Variants in GDF9 observed in about 807,000 individuals in gnomAD.
GDF9 encodes the protein growth differentiation factor 9.
A neutral mutation model predicts 33.8 loss-of-function variants in GDF9; 30 were observed. The observed-to-expected ratio is 0.89, with a 90% confidence interval of 0.66 to 1.20. The LOEUF (loss-of-function observed/expected upper bound fraction) is 1.20. Ranked by LOEUF, GDF9 falls within the 50% of genes most tolerant of loss-of-function variation. The pLI is 0.00. For synonymous variants in GDF9, 205 were observed against 200.7 expected (o/e 1.02, Z -0.18); for missense variants, 556 against 543.7 (o/e 1.02, Z -0.22).
rs1350390114 is a variant in GDF9 at position 132,861,543 on chromosome 5, G to C, written c.*46C>G. 1 of 1,552,482 alleles carries C rather than the reference G, an allele frequency of 6.4e-7. No homozygotes were observed. ...TCTTGAAGGCACACATAGGCACACAGTAGTTACTTTGCCAAATAGGCTCAA... is the reference window on the plus strand; with the variant it reads ...TCTTGAAGGCACACATAGGCACACACTAGTTACTTTGCCAAATAGGCTCAA... On this transcript the variant is annotated 3_prime_UTR_variant, in exon 2 of 2. Coordinates refer to ENST00000687138, the MANE Select transcript of GDF9 (RefSeq NM_005260.7).
At chr5:132,863,967 G>A (rs1041395740) in intron 1 of GDF9, among the ~76,000 whole-genome samples, 170 bp downstream of exon 1, 4 of 152,158 alleles carry the variant, frequency 2.6e-5, no homozygotes, top group South Asian at 2.1e-4. Flanking sequence ...CAATGAGAGC[G>A]TTAGGAATAA....
chr5:132,861,712 C>A lies in GDF9; in HGVS notation c.1242G>T (p.Val414=), dbSNP rs146290291. 1.9e-5 allele frequency: 31 copies of A among 1,613,308 alleles called. 1 individual carries two copies. The African/African-American group carries it at 4.0e-4, about 21-fold the overall frequency. Residue 414 remains valine (V), a synonymous_variant, in exon 2 of 2, where the codon GTG becomes GTT. Coordinates refer to ENST00000687138, the MANE Select transcript of GDF9 (RefSeq NM_005260.7). ...TGGCAGGTACACATGACGGTCTTGG[C>A]ACTGAGGAGTCCAGCTTCTCATAGA... is the stretch of plus-strand genomic sequence containing the variant. The part of the protein sequence containing the change: ...NIIYEKLDSS[V]PRPSCVPAKY...
rs1377175557 is a variant in GDF9, at chr5:132,862,039, C to T, written c.915G>A (p.Glu305=). 2 of 1,613,900 alleles carry T rather than the reference C, an allele frequency of 1.2e-6. No homozygotes were observed. The highest frequency in any genetic ancestry group is 1.7e-6 in the Non-Finnish European group (2 of 1,179,884). Residue 305 remains glutamate, a synonymous_variant, in exon 2 of 2, where the codon GAG becomes GAA. Coordinates refer to ENST00000687138, the MANE Select transcript of GDF9 (RefSeq NM_005260.7). ...GGGAAGATCTCCCATCCTCAGCAGC[C>T]TCTTCTCCCACAGGATAGGCAGACA... ...RSLSAYPVGE[E]AAEDGRSSHH...
Position 132,861,508 on chromosome 5 carries a change from T to C in GDF9, c.*81A>G. The C allele has an allele frequency of 1.7e-6, 2 of 1,175,862 alleles. No individual in the cohort carries two copies. Among genetic ancestry groups the C allele is most frequent in the South Asian group, 1.2e-5 (1 of 81,538 alleles). 72.8% of individuals were successfully genotyped at this position (1,175,862 alleles called of 1,614,324 possible). A position where few individuals can be genotyped will look rare whatever the true frequency, so the allele number is the denominator to read the frequency against. The stretch of plus-strand genomic sequence containing the variant: ...ATGCTACATTTAGAGACTTAATATA[T>C]GAAGCTTTCTCTTGAAGGCACACAT... On this transcript the variant is annotated 3_prime_UTR_variant, in exon 2 of 2. Coordinates refer to ENST00000687138, the MANE Select transcript of GDF9 (RefSeq NM_005260.7).
At chr5:132,862,911 C>T (rs1038186160) in intron 1 of GDF9, among the ~76,000 whole-genome samples, 2 of 152,202 alleles carry the variant, frequency 1.3e-5, no homozygotes, top group Non-Finnish European at 2.9e-5. Flanking sequence ...TCACTGCAGC[C>T]TCAACCTCCC....
chr5:132,864,300 C>G lies in GDF9; in HGVS notation c.234G>C (p.Arg78Ser). 1 of 1,614,210 alleles carries G rather than the reference C, an allele frequency of 6.2e-7. No individual in the cohort carries two copies. Reference protein sequence around the residue: ...VLSVGRGGSPRLQPDSRALHY... With the variant: ...VLSVGRGGSPSLQPDSRALHY... ...GCAAAGCTCTGGAGTCTGGCTGCAG[C>G]CTAGGTGACCCACCTCGCCCAACAG... The change falls in exon 1 of 2, where the codon AGG (arginine) becomes AGC (serine). Residue 78 changes from arginine to serine, a missense_variant. Coordinates refer to ENST00000687138, the MANE Select transcript of GDF9 (RefSeq NM_005260.7).
rs1759211238 is a variant in GDF9 at position 132,861,358 on chromosome 5, A to G, written c.*231T>C. ...GGAAAAAAATGTAAAGTTCTCCACA[A>G]TAATTATATTTCATTTAAATTTGGA... is the stretch of plus-strand genomic sequence containing the variant. On this transcript the variant is annotated 3_prime_UTR_variant, in exon 2 of 2. Coordinates refer to ENST00000687138, the MANE Select transcript of GDF9 (RefSeq NM_005260.7). 1 of 514,990 alleles carries G rather than the reference A, an allele frequency of 1.9e-6. No homozygotes were observed. Among genetic ancestry groups the G allele is most frequent in the South Asian group, 2.4e-5 (1 of 42,024 alleles). 31.9% of individuals were successfully genotyped at this position (514,990 alleles called of 1,614,324 possible).
chr5:132,864,410 A>G lies in GDF9; in HGVS notation c.124T>C (p.Ser42Pro). The change falls in exon 1 of 2, where the codon TCT becomes CCT. Residue 42 changes from serine to proline, a missense_variant. Ser to Pro is a moderately conservative substitution (Grantham distance 74, BLOSUM62 -1). Coordinates refer to ENST00000687138, the MANE Select transcript of GDF9 (RefSeq NM_005260.7). ...AGCAAGGACCAAGGCATAGCCCCAG[A>G]TTCCAACTCAGCACTAGCAGCAATC... The part of the protein sequence containing the change: ...AQIAASAELE[S>P]GAMPWSLLQH... 1 of 1,613,882 alleles carries G rather than the reference A, an allele frequency of 6.2e-7. No individual in the cohort carries two copies. The highest frequency in any genetic ancestry group is 8.5e-7 in the Non-Finnish European group (1 of 1,179,880).
chr5:132,862,274 T>A lies in GDF9; in HGVS notation c.680A>T (p.Asn227Ile). Residue 227 changes from asparagine (N) to isoleucine (I), a missense_variant, in exon 2 of 2, where the codon AAC (asparagine) becomes ATC (isoleucine). Coordinates refer to ENST00000687138, the MANE Select transcript of GDF9 (RefSeq NM_005260.7). ...TATAGACATGTGAATACTTCTCTTG[T>A]TGGAGGCCACTAAAGGTTGAAGGAG... ...TSLLQPLVASNKRSIHMSINF... is the reference protein window; with the variant it reads ...TSLLQPLVASIKRSIHMSINF... The A allele has an allele frequency of 1.2e-6, 2 of 1,614,004 alleles. No homozygotes were observed.
rs769642715 is a variant in GDF9, at chr5:132,861,830, T to A, written c.1124A>T (p.His375Leu). The A allele has an allele frequency of 3.6e-5, 58 of 1,613,972 alleles. No homozygotes were observed. The Middle Eastern group carries it at 4.9e-4, about 14-fold the overall frequency. Residue 375 changes from histidine to leucine, a missense_variant, in exon 2 of 2, where the codon CAC becomes CTC. Coordinates refer to ENST00000687138, the MANE Select transcript of GDF9 (RefSeq NM_005260.7). ...TTTACAGTATCGAGGGTTGTACCTG[T>A]GCGGAGCCACAATCCAGTTGTCCCA... ...LKWDNWIVAPHRYNPRYCKGD... is the reference protein window; with the variant it reads ...LKWDNWIVAPLRYNPRYCKGD...
chr5:132,864,332 C>G lies in GDF9; in HGVS notation c.202G>C (p.Val68Leu). The G allele has an allele frequency of 6.2e-7, 1 of 1,614,226 alleles. No homozygotes were observed. The highest frequency in any genetic ancestry group is 8.5e-7 in the Non-Finnish European group (1 of 1,180,034). ...GACCCACCTCGCCCAACAGATAGAA[C>G]TTTGAAAAGCGCGGGAAGGAGGCCA... is the stretch of plus-strand genomic sequence containing the variant. ...RAGLLPALFK[V>L]LSVGRGGSPR... Residue 68 changes from valine to leucine, a missense_variant, in exon 1 of 2, where the codon GTT becomes CTT. By Grantham distance (32) the Val-to-Leu change is conservative. Coordinates refer to ENST00000687138, the MANE Select transcript of GDF9 (RefSeq NM_005260.7).
At position 132,861,420 on chromosome 5, in the gene GDF9, C is replaced by T; in HGVS notation, c.*169G>A. 1 of 655,950 alleles carries T rather than the reference C, an allele frequency of 1.5e-6. No homozygotes were observed. The highest frequency in any genetic ancestry group is 2.7e-6 in the Non-Finnish European group (1 of 366,036). The allele number at this position is 655,950 out of a possible 1,614,324, so 40.6% of individuals were successfully genotyped here. On this transcript the variant is annotated 3_prime_UTR_variant, in exon 2 of 2. Transcript: ENST00000687138. Reference sequence around the variant, plus strand: ...GCTCTGTAGCAACAATTGATGTTATCCCTTTATCCTGATAGATGCCATAGA... The same window carrying T: ...GCTCTGTAGCAACAATTGATGTTATTCCTTTATCCTGATAGATGCCATAGA...
rs937225371 is a variant in GDF9 at position 132,862,519 on chromosome 5, A to C, written c.435T>G (p.Asp145Glu). 1.2e-6 allele frequency: 2 copies of C among 1,610,092 alleles called. No homozygotes were observed. The highest frequency in any genetic ancestry group is 1.7e-6 in the Non-Finnish European group (2 of 1,178,774). Reference sequence around the variant, plus strand: ...GTAAGTGTTCAACGGTAGTAATGCGATCCAGGTTAAATAGCAGTTCCACTG... The same window carrying C: ...GTAAGTGTTCAACGGTAGTAATGCGCTCCAGGTTAAATAGCAGTTCCACTG... ...LPSVELLFNL[D>E]RITTVEHLLK... Residue 145 changes from aspartate to glutamate, a missense_variant, in exon 2 of 2, where the codon GAT becomes GAG. Coordinates refer to ENST00000687138, the MANE Select transcript of GDF9 (RefSeq NM_005260.7).
In GDF9 at chr5:132,861,247, C is replaced by G; in HGVS notation, c.*342G>C. The G allele has an allele frequency of 3.7e-6, 1 of 270,162 alleles. No individual in the cohort carries two copies. The highest frequency in any genetic ancestry group is 9.8e-5 in the East Asian group (1 of 10,216). The allele number at this position is 270,162 out of a possible 1,614,324, so 16.7% of individuals were successfully genotyped here. ...AGCAATCTGAATTGCCTATTTATAG[C>G]TGCAAGTCCATCCAGGATTGATGCT... On this transcript the variant is annotated 3_prime_UTR_variant, in exon 2 of 2. Transcript: ENST00000687138.
rs1759211238 is a variant in GDF9, at chr5:132,861,358, A to C, written c.*231T>G. 1 of 514,990 alleles carries C rather than the reference A, an allele frequency of 1.9e-6. No homozygotes were observed. The highest frequency in any genetic ancestry group is 2.4e-5 in the South Asian group (1 of 42,024). The allele number at this position is 514,990 out of a possible 1,614,324, so 31.9% of individuals were successfully genotyped here. On this transcript the variant is annotated 3_prime_UTR_variant, in exon 2 of 2. Transcript: ENST00000687138. ...GGAAAAAAATGTAAAGTTCTCCACAATAATTATATTTCATTTAAATTTGGA... is the reference window on the plus strand; with the variant it reads ...GGAAAAAAATGTAAAGTTCTCCACACTAATTATATTTCATTTAAATTTGGA...
Position 132,864,708 on chromosome 5 carries a change from G to T in GDF9, c.-175C>A. 1.6e-6 allele frequency: 1 copy of T among 621,102 alleles called. No homozygotes were observed. Among genetic ancestry groups the T allele is most frequent in the Non-Finnish European group, 2.8e-6 (1 of 353,972 alleles). The allele number at this position is 621,102 out of a possible 1,614,324, so 38.5% of individuals were successfully genotyped here. A position where few individuals can be genotyped will look rare whatever the true frequency, so the allele number is the denominator to read the frequency against. The stretch of plus-strand genomic sequence containing the variant: ...GAAGATTTTATCAGCTCTATATCAA[G>T]CAGCTGATAACACCTTATTTAGCCA... On this transcript the variant is annotated 5_prime_UTR_variant, in exon 1 of 2. Transcript: ENST00000687138.
Position 132,861,677 on chromosome 5 carries a change from G to C in GDF9, c.1277C>G (p.Pro426Arg), listed in dbSNP as rs1203773285. ...GGGCTCAATGGTCAAAACACTCAAGGGGCTGTATTTGGCAGGTACACATGA... is the reference window on the plus strand; with the variant it reads ...GGGCTCAATGGTCAAAACACTCAAGCGGCTGTATTTGGCAGGTACACATGA... ...RPSCVPAKYS[P>R]LSVLTIEPDG... The change falls in exon 2 of 2, where the codon CCC (proline) becomes CGC (arginine). Residue 426 changes from proline (P) to arginine (R), a missense_variant. Pro to Arg is a moderately radical substitution (Grantham distance 103). Transcript: ENST00000687138. 6.2e-7 allele frequency: 1 copy of C among 1,610,606 alleles called. No individual in the cohort carries two copies. The highest frequency in any genetic ancestry group is 1.7e-5 in the Admixed American group (1 of 60,026).
At position 132,864,584 on chromosome 5, in the gene GDF9, T is replaced by C; in HGVS notation, c.-51A>G. The C allele has an allele frequency of 1.3e-6, 2 of 1,582,188 alleles. No homozygotes were observed. Among genetic ancestry groups the C allele is most frequent in the Non-Finnish European group, 1.7e-6 (2 of 1,164,672 alleles). ...TATTTCTCCATGCCAGTCCTCTTCC[T>C]AAAGGCCAGGAAGAGCCTAGCTTGG... On this transcript the variant is annotated 5_prime_UTR_variant, in exon 1 of 2. Coordinates refer to ENST00000687138, the MANE Select transcript of GDF9 (RefSeq NM_005260.7).
In GDF9 at chr5:132,861,738, T is replaced by C; in HGVS notation, c.1216A>G (p.Ile406Val). 3 of 1,612,764 alleles carry C rather than the reference T, an allele frequency of 1.9e-6. No homozygotes were observed. The highest frequency in any genetic ancestry group is 2.2e-5 in the South Asian group (2 of 91,046). ...SPVHTMVQNI[I>V]YEKLDSSVPR... ...ACTGAGGAGTCCAGCTTCTCATAGATGATGTTCTGTACCATGGTGTGAACT... is the reference window on the plus strand; with the variant it reads ...ACTGAGGAGTCCAGCTTCTCATAGACGATGTTCTGTACCATGGTGTGAACT... Residue 406 changes from isoleucine (I) to valine (V), a missense_variant, in exon 2 of 2, where the codon ATC becomes GTC. Transcript: ENST00000687138.
Sources: gnomAD v4.1 joint callset for allele counts (sites outside exome capture counted in the v4.1 genomes callset) on GRCh38, gnomAD v4.1.1 for gene constraint, MANE v1.5 for transcripts, NCBI Gene and HGNC (gene_info 2026-07-23, HGNC 2026-07-21) for gene names.